Variants in ANKRD62 observed in about 807,000 individuals in gnomAD.
The protein encoded by ANKRD62 is ankyrin repeat domain-containing protein 62.
In ANKRD62, 61 loss-of-function variants were observed where a neutral mutation model predicts 98.8. The ratio of observed to expected loss-of-function variants is 0.62; its 90% CI spans 0.50 to 0.76. The LOEUF is 0.76. Ranked by LOEUF, ANKRD62 falls within the 30% of genes least tolerant of loss-of-function variation. The pLI is 0.00. For missense variants in ANKRD62, 933 were observed against 1,082.9 expected, an observed-to-expected ratio of 0.86 and a Z score of 1.94; for synonymous variants, 341 against 367.9, an observed-to-expected ratio of 0.93 and a Z score of 0.84.
chr18:12,097,430 C>T (rs1435457248), intron 4 of ANKRD62, among the ~76,000 whole-genome samples: 1 of 152,126 alleles, frequency 6.6e-6, no homozygotes, highest in Non-Finnish European at 1.5e-5. Flanking sequence ...CCCAGTGGGA[C>T]AAGAGGCTTC....
chr18:12,171,570 C>A, the ANKRD62 span, among the ~76,000 whole-genome samples: 1 of 152,270 alleles, frequency 6.6e-6, no homozygotes, highest in Admixed American at 6.5e-5. Flanking sequence ...CTGCTCTCAG[C>A]CTTTTTTCCT....
intron 4 of ANKRD62, among the ~76,000 whole-genome samples, chr18:12,096,570 A>C (rs1909186892): frequency 2.0e-5 from 3 of 152,184 alleles, no homozygotes; most frequent in Non-Finnish European, 4.4e-5. Flanking sequence ...ATCTTAACTA[A>C]AGGGATGTCA....
the ANKRD62 span, among the ~76,000 whole-genome samples, chr18:12,138,633 G>A: frequency 6.6e-6 from 1 of 152,140 alleles, no homozygotes; most frequent in African/African-American, 2.4e-5. Context: ...TCTGTCTAAT[G>A]TTGACAGTGG....
intron 8 of ANKRD62, among the ~76,000 whole-genome samples, chr18:12,111,713 G>T (rs912868616): frequency 1.3e-5 from 2 of 152,038 alleles, no homozygotes; most frequent in Admixed American, 1.3e-4. Flanking sequence ...GAAAGTCTCA[G>T]GATACAAAAT....
intron 3 of ANKRD62, 89 bp downstream of exon 3, chr18:12,095,699 C>A: frequency 8.5e-7 from 1 of 1,179,626 alleles, no homozygotes; most frequent in Non-Finnish European, 1.1e-6. Context: ...ACATCTGAAA[C>A]TAGAAGGAAA....
At position 12,102,307 on chromosome 18, in the gene ANKRD62, G is replaced by A. The variant is rs1014735000; in HGVS notation, c.821-851G>A. 3 of 717,672 alleles carry A rather than the reference G, an allele frequency of 4.2e-6. No homozygotes were observed. The African/African-American group carries it at 5.2e-5, about 12-fold the overall frequency. The allele number at this position is 717,672 out of a possible 1,614,324, so 44.5% of individuals were successfully genotyped here. ...AGAGACGCAACCTGGGAACCAGAAT[G>A]GTGGCTTGGTGACAAGCCAATGTAC... On this transcript the variant is annotated intron_variant, in intron 6 of 13. Coordinates refer to ENST00000587848, the MANE Select transcript of ANKRD62 (RefSeq NM_001277333.2).
chr18:12,171,163 A>T, the ANKRD62 span, among the ~76,000 whole-genome samples: 1 of 152,098 alleles, frequency 6.6e-6, no homozygotes, highest in Non-Finnish European at 1.5e-5. Flanking sequence ...GTTATATGTG[A>T]ATTTGATCCT....
At chr18:12,171,088 T>A in the ANKRD62 span, among the ~76,000 whole-genome samples, 1 of 152,200 alleles carries the variant, frequency 6.6e-6, no homozygotes, top group East Asian at 1.9e-4. Flanking sequence ...TCATTCTTTA[T>A]GCAATTTGCC....
the ANKRD62 span, among the ~76,000 whole-genome samples, chr18:12,154,460 G>A: frequency 3.9e-5 from 6 of 152,220 alleles, no homozygotes; most frequent in African/African-American, 1.2e-4. Flanking sequence ...TGCTGGCAAG[G>A]TTGTGGAGAA....
At chr18:12,138,269 G>T in the ANKRD62 span, among the ~76,000 whole-genome samples, 2 of 152,202 alleles carry the variant, frequency 1.3e-5, no homozygotes, top group African/African-American at 4.8e-5. Flanking sequence ...TGGTTTCAAA[G>T]AACATCTTTA....
chr18:12,106,276 T>C (rs1909411705), intron 7 of ANKRD62, among the ~76,000 whole-genome samples: 1 of 152,200 alleles, frequency 6.6e-6, no homozygotes, highest in Non-Finnish European at 1.5e-5. Context: ...ATTATGTCAG[T>C]ACCATGGATT....
chr18:12,160,739 A>C, the ANKRD62 span, among the ~76,000 whole-genome samples: 1 of 152,066 alleles, frequency 6.6e-6, no homozygotes, highest in African/African-American at 2.4e-5. Context: ...TTCTTTAATC[A>C]TGAAATTGAT....
At chr18:12,163,303 G>A in the ANKRD62 span, among the ~76,000 whole-genome samples, 1 of 151,904 alleles carries the variant, frequency 6.6e-6, no homozygotes, top group African/African-American at 2.4e-5. Flanking sequence ...TTTTCAGATT[G>A]TTTGCTGTCA....
At chr18:12,117,604 G>A (rs1184137927) in intron 10 of ANKRD62, among the ~76,000 whole-genome samples, 2 of 152,120 alleles carry the variant, frequency 1.3e-5, no homozygotes, top group Non-Finnish European at 2.9e-5. Flanking sequence ...GTTCATCATA[G>A]ATGTTCTTTA....
chr18:12,107,234 A>G, intron 7 of ANKRD62, 61 bp from the exon 8 acceptor site: 2 of 1,240,626 alleles, frequency 1.6e-6, no homozygotes, highest in East Asian at 2.8e-5. Flanking sequence ...TGAACACAAA[A>G]AAGTTCTTTC....
the ANKRD62 span, among the ~76,000 whole-genome samples, chr18:12,135,874 A>G: frequency 2.0e-5 from 3 of 151,888 alleles, no homozygotes; most frequent in Non-Finnish European, 4.4e-5. Context: ...TCCTTTGCCC[A>G]CTTTTTGATG....
At chr18:12,100,640 C>A (rs1333602512) in intron 6 of ANKRD62, among the ~76,000 whole-genome samples, 3 of 152,072 alleles carry the variant, frequency 2.0e-5, no homozygotes, top group Non-Finnish European at 2.9e-5. Flanking sequence ...TTTAAAGATA[C>A]CTACTGTGTA....
At chr18:12,123,708 T>C (rs1303731701) in intron 11 of ANKRD62, among the ~76,000 whole-genome samples, 2 of 152,224 alleles carry the variant, frequency 1.3e-5, no homozygotes, top group African/African-American at 4.8e-5. Flanking sequence ...ATGTAAATCA[T>C]GTTTAGGGAT....
At chr18:12,107,618 G>C (rs1179542610) in intron 8 of ANKRD62, 151 bp downstream of exon 8, 1 of 546,752 alleles carries the variant, frequency 1.8e-6, no homozygotes, top group Non-Finnish European at 2.9e-6. Flanking sequence ...AAATTAACAA[G>C]CAATGAGATA....
Sources: gnomAD v4.1 joint callset for allele counts (sites outside exome capture counted in the v4.1 genomes callset) on GRCh38, gnomAD v4.1.1 for gene constraint, MANE v1.5 for transcripts, NCBI Gene and HGNC (gene_info 2026-07-23, HGNC 2026-07-21) for gene names.